Variants in KYNU observed in about 807,000 individuals in gnomAD.
KYNU encodes the protein kynureninase.
A neutral mutation model predicts 59.2 loss-of-function variants in KYNU; 54 were observed. That is an observed-to-expected ratio of 0.91 (90% CI 0.73 to 1.14). The LOEUF (loss-of-function observed/expected upper bound fraction) is 1.14, where lower values mean the gene tolerates loss of function less well. Among genes scored for constraint, KYNU ranks in the 50% most tolerant of loss-of-function variants. The probability of loss-of-function intolerance (pLI) is 0.00; values close to 1 mark genes in which losing one functional copy is unlikely to be tolerated. For synonymous variants in KYNU, 177 were observed against 192.0 expected (o/e 0.92, Z 0.65); for missense variants, 567 against 554.4 (o/e 1.02, Z -0.23).
chr2:143,003,500 T>G (rs916703694), intron 10 of KYNU, among the ~76,000 whole-genome samples: 1 of 152,192 alleles, frequency 6.6e-6, no homozygotes, highest in Non-Finnish European at 1.5e-5. Flanking sequence ...GATAATTGCT[T>G]GAACCCAGGA....
intron 12 of KYNU, among the ~76,000 whole-genome samples, chr2:143,038,027 A>T (rs527908228): frequency 6.6e-6 from 1 of 152,194 alleles, no homozygotes; most frequent in Non-Finnish European, 1.5e-5. Context: ...CATACCAAAA[A>T]AATTGGTTTC....
chr2:142,936,445 G>T (rs1558931192), intron 4 of KYNU, among the ~76,000 whole-genome samples: 1 of 152,102 alleles, frequency 6.6e-6, no homozygotes, highest in African/African-American at 2.4e-5. Flanking sequence ...CTGTTTTTTG[G>T]AATAGAGGAC....
chr2:142,918,467 T>C (rs1455307285), intron 2 of KYNU, 142 bp from the exon 3 acceptor site: 5 of 905,312 alleles, frequency 5.5e-6, no homozygotes, highest in Non-Finnish European at 6.4e-6. Context: ...TTAGAGGACC[T>C]GATGTCATCC....
At chr2:142,943,373 AAAT>A (rs1247650395) in intron 4 of KYNU, among the ~76,000 whole-genome samples, 6 of 152,194 alleles carry the variant, frequency 3.9e-5, no homozygotes, top group African/African-American at 1.2e-4. Context: ...AGGATAATAA[AAAT>A]TATTATGTGT....
At chr2:143,012,828 T>A (rs1459160695) in intron 10 of KYNU, among the ~76,000 whole-genome samples, 1 of 152,184 alleles carries the variant, frequency 6.6e-6, no homozygotes, top group Non-Finnish European at 1.5e-5. Context: ...TCTGCTACTT[T>A]GTGTCCTCTG....
intron 10 of KYNU, among the ~76,000 whole-genome samples, chr2:142,991,613 C>T (rs998578133): frequency 6.6e-6 from 1 of 151,828 alleles, no homozygotes; most frequent in Non-Finnish European, 1.5e-5. Flanking sequence ...TATTTGCCTC[C>T]CACATCTCTA....
intron 8 of KYNU, among the ~76,000 whole-genome samples, chr2:142,981,387 A>G (rs975062103): frequency 6.6e-6 from 1 of 152,140 alleles, no homozygotes. Context: ...AAGAAAAGAG[A>G]GTTTCAAATT....
chr2:143,006,495 G>T (rs1197085878), intron 10 of KYNU, among the ~76,000 whole-genome samples: 2 of 113,012 alleles, frequency 1.8e-5, no homozygotes, highest in African/African-American at 3.7e-5. Flanking sequence ...GCCCGCCATT[G>T]CCCAGGCTTG....
chr2:143,032,711 T>TTGTGTGTGTGTGTGTGTGTG (rs61062901), intron 11 of KYNU, among the ~76,000 whole-genome samples: 18,006 of 129,154 alleles, frequency 0.14, 1,778 homozygotes, highest in Admixed American at 0.22. Flanking sequence ...GCTCCCTCTA[T>TTGTGTGTGTGTGTGTGTGTG]TGTGTGTGTG....
intron 2 of KYNU, among the ~76,000 whole-genome samples, chr2:142,893,279 G>A (rs1250588874): frequency 6.6e-6 from 1 of 150,788 alleles, no homozygotes; most frequent in Non-Finnish European, 1.5e-5. Flanking sequence ...GACAAAGAAA[G>A]AACTCTAGAA....
chr2:143,012,852 C>T (rs1686149395), intron 10 of KYNU, among the ~76,000 whole-genome samples: 1 of 152,220 alleles, frequency 6.6e-6, no homozygotes. Flanking sequence ...TACCTGTCTG[C>T]ATTTTCTTCC....
intron 4 of KYNU, among the ~76,000 whole-genome samples, chr2:142,930,877 T>C (rs1468383188): frequency 3.3e-5 from 5 of 152,190 alleles, no homozygotes; most frequent in African/African-American, 7.2e-5. Flanking sequence ...AGCACGTCAA[T>C]AGACAACACG....
chr2:142,913,482 T>A (rs1229096250), intron 2 of KYNU, among the ~76,000 whole-genome samples: 2 of 152,252 alleles, frequency 1.3e-5, no homozygotes, highest in Admixed American at 6.5e-5. Context: ...AGTTGCTTAA[T>A]TTCTATGTAA....
At chr2:143,021,215 A>T (rs998375517) in intron 10 of KYNU, among the ~76,000 whole-genome samples, 5 of 152,172 alleles carry the variant, frequency 3.3e-5, no homozygotes, top group Non-Finnish European at 7.3e-5. Context: ...GATTTTTAAA[A>T]AATATATTGT....
At chr2:142,919,939 G>C (rs1295949214) in intron 3 of KYNU, among the ~76,000 whole-genome samples, 1 of 152,110 alleles carries the variant, frequency 6.6e-6, no homozygotes, top group Non-Finnish European at 1.5e-5. Context: ...TGGCATGGTG[G>C]CAAGTGCCTG....
At chr2:142,885,991 T>C (rs1043517167) in intron 2 of KYNU, among the ~76,000 whole-genome samples, 1 of 152,202 alleles carries the variant, frequency 6.6e-6, no homozygotes. Flanking sequence ...TGAATAGCCA[T>C]CTTTGCATGC....
intron 2 of KYNU, among the ~76,000 whole-genome samples, chr2:142,894,297 T>C (rs1461269083): frequency 6.6e-6 from 1 of 152,158 alleles, no homozygotes; most frequent in Non-Finnish European, 1.5e-5. Flanking sequence ...AAGAAGCTTG[T>C]TGGGAGCATA....
chr2:142,905,428 G>A (rs1051132365), intron 2 of KYNU, among the ~76,000 whole-genome samples: 3 of 152,108 alleles, frequency 2.0e-5, no homozygotes, highest in African/African-American at 4.8e-5. Flanking sequence ...TCAATCACCC[G>A]AGAGGAAGCA....
intron 8 of KYNU, among the ~76,000 whole-genome samples, chr2:142,978,412 T>C (rs1176545158): frequency 6.6e-6 from 1 of 152,176 alleles, no homozygotes; most frequent in Non-Finnish European, 1.5e-5. Flanking sequence ...AAAGTTCTGA[T>C]TGGTATGGTA....
Sources: allele counts gnomAD v4.1 joint callset (sites outside exome capture counted in the v4.1 genomes callset), GRCh38; gene constraint gnomAD v4.1.1; transcripts MANE v1.5; gene names NCBI Gene and HGNC (gene_info 2026-07-23, HGNC 2026-07-21).